The following UBE2J2 variants were observed in gnomAD, a reference collection of about 807,000 sequenced individuals.
The protein encoded by UBE2J2 is ubiquitin-conjugating enzyme E2 J2.
A neutral mutation model predicts 28.6 loss-of-function variants in UBE2J2; 5 were observed. The observed-to-expected ratio is 0.17, with a 90% confidence interval of 0.09 to 0.37. The LOEUF (loss-of-function observed/expected upper bound fraction) is 0.37. Ranked by LOEUF, UBE2J2 falls within the 10% of genes least tolerant of loss-of-function variation. UBE2J2 has a pLI of 1.00. For synonymous variants in UBE2J2, 138 were observed against 139.7 expected, an observed-to-expected ratio of 0.99 and a Z score of 0.09; for missense variants, 226 against 338.9, an observed-to-expected ratio of 0.67 and a Z score of 2.62.
intron 3 of UBE2J2, among the ~76,000 whole-genome samples, chr1:1,261,906 G>A (rs1384533348): frequency 6.9e-6 from 1 of 145,262 alleles, no homozygotes; most frequent in East Asian, 2.0e-4. Flanking sequence ...CACCCAGGCT[G>A]GAATACAACG....
intron 1 of UBE2J2, chr1:1,271,620 G>A (rs1015683699): frequency 2.0e-5 from 3 of 152,038 alleles, no homozygotes; most frequent in African/African-American, 7.3e-5. Context: ...GGAGGCCAGG[G>A]GGCTATTTCC....
At chr1:1,267,615 A>C in intron 2 of UBE2J2, 1 of 1,007,040 alleles carries the variant, frequency 9.9e-7, no homozygotes, top group Non-Finnish European at 1.3e-6. Context: ...CAAGGGCCCC[A>C]CACCGGAGAT....
intron 2 of UBE2J2, among the ~76,000 whole-genome samples, chr1:1,266,880 C>CATTTT (rs576901285): frequency 1.1e-4 from 16 of 152,014 alleles, no homozygotes; most frequent in Admixed American, 2.0e-4. Flanking sequence ...AACATCCTTA[C>CATTTT]ATTTTATTTT....
chr1:1,267,184 C>T (rs980731668), intron 2 of UBE2J2, among the ~76,000 whole-genome samples: 4 of 152,128 alleles, frequency 2.6e-5, no homozygotes, highest in Admixed American at 6.5e-5. Flanking sequence ...CCACCATGCC[C>T]GGCCTCTCAC....
chr1:1,259,854 G>A (rs924525628), intron 3 of UBE2J2, among the ~76,000 whole-genome samples: 11 of 152,202 alleles, frequency 7.2e-5, no homozygotes, highest in Admixed American at 7.2e-4. Context: ...GGAAACCTGT[G>A]TGCAGAACGC....
intron 5 of UBE2J2, 104 bp downstream of exon 5, chr1:1,256,888 G>GAA (rs57305655): frequency 0.041 from 20,474 of 501,514 alleles, 37 homozygotes; most frequent in African/African-American, 0.048. Flanking sequence ...TCCGTCTCAA[G>GAA]AAAAAAAAAA....
chr1:1,265,603 T>TTTTG (rs777241235), intron 2 of UBE2J2, among the ~76,000 whole-genome samples: 14 of 121,024 alleles, frequency 1.2e-4, no homozygotes, highest in South Asian at 9.1e-4. Flanking sequence ...TTTCTCTCCA[T>TTTTG]TGTGTGTGTG....
chr1:1,264,054 T>C (rs999883790), intron 2 of UBE2J2, among the ~76,000 whole-genome samples: 3 of 152,204 alleles, frequency 2.0e-5, no homozygotes, highest in Non-Finnish European at 4.4e-5. Context: ...AATGTGTTTT[T>C]TGATATCACA....
intron 2 of UBE2J2, among the ~76,000 whole-genome samples, chr1:1,265,602 ATTGTGTGT>A (rs1639809593): frequency 4.1e-5 from 2 of 49,360 alleles, no homozygotes; most frequent in African/African-American, 8.9e-5. Context: ...TTTTCTCTCC[ATTGTGTGT>A]GTGTGTGTGT....
At chr1:1,257,993 T>C (rs769693441) in intron 3 of UBE2J2, among the ~76,000 whole-genome samples, 1 of 152,044 alleles carries the variant, frequency 6.6e-6, no homozygotes, top group Non-Finnish European at 1.5e-5. Flanking sequence ...AAACCTGACC[T>C]GAAGATCGAC....
intron 1 of UBE2J2, chr1:1,273,126 G>T (rs1640247130): frequency 6.6e-6 from 1 of 152,224 alleles, no homozygotes. Flanking sequence ...GAACTGGCAG[G>T]TGTGGATGGC....
chr1:1,257,388 A>ACCCCCCCCC (rs1557550234), intron 3 of UBE2J2, 78 bp from the exon 4 acceptor site: 4 of 135,522 alleles, frequency 3.0e-5, no homozygotes, highest in African/African-American at 2.3e-4. Context: ...CCATCCCCCC[A>ACCCCCCCCC]CGCCACCCCC....
At chr1:1,259,013 CGT>C (rs1639381435) in intron 3 of UBE2J2, among the ~76,000 whole-genome samples, 1 of 152,020 alleles carries the variant, frequency 6.6e-6, no homozygotes, top group East Asian at 1.9e-4. Context: ...CATCAGGACG[CGT>C]GTGTGCGTGT....
intron 1 of UBE2J2, 93 bp downstream of exon 1, chr1:1,273,573 G>A (rs971963700): frequency 1.3e-4 from 19 of 151,762 alleles, no homozygotes; most frequent in Non-Finnish European, 2.5e-4. Flanking sequence ...GTCGCGCAGG[G>A]TCCCCAGCAG....
chr1:1,261,132 C>T (rs752473753), intron 3 of UBE2J2, among the ~76,000 whole-genome samples: 17 of 152,222 alleles, frequency 1.1e-4, no homozygotes, highest in Non-Finnish European at 1.9e-4. Context: ...AACAGCCCCT[C>T]GGCAAGTGGC....
In UBE2J2 at chr1:1,268,841, C is replaced by A. The variant is rs1046229021; in HGVS notation, c.1-849G>T. Among the ~76,000 whole-genome samples the A allele has an allele frequency of 6.6e-6, 1 of 151,472 alleles. No homozygotes were observed. The highest frequency in any genetic ancestry group is 2.4e-5 in the African/African-American group (1 of 40,904). ...TACAGACGCATGCCACCACGCCTAG[C>A]TAATTTTTTTTTTTTTGTAGAGCTG... On this transcript the variant is annotated intron_variant, in intron 1 of 6. Coordinates refer to ENST00000349431, the MANE Select transcript of UBE2J2 (RefSeq NM_058167.3). This position sits in a 1 kb window ranked among gnomAD's most constrained non-coding sequence, Gnocchi z 4.7.
chr1:1,263,848 C>T (rs1269176758), intron 2 of UBE2J2, among the ~76,000 whole-genome samples: 20 of 151,506 alleles, frequency 1.3e-4, no homozygotes, highest in Non-Finnish European at 4.4e-5. Context: ...AAAAAGTTAG[C>T]CGGGTGTGGT....
At chr1:1,272,306 GAAAA>G (rs918013154) in intron 1 of UBE2J2, among the ~76,000 whole-genome samples, 1 of 151,630 alleles carries the variant, frequency 6.6e-6, no homozygotes, top group African/African-American at 2.4e-5. Context: ...AAAGGCACAG[GAAAA>G]AAAAATGTTC....
chr1:1,267,601 C>G (rs1407691566), intron 2 of UBE2J2: 1 of 856,726 alleles, frequency 1.2e-6, no homozygotes, highest in Non-Finnish European at 1.6e-6. Flanking sequence ...GACCCCGCCC[C>G]CCTCAAGGGC....
Sources: allele counts gnomAD v4.1 joint callset (sites outside exome capture counted in the v4.1 genomes callset), GRCh38; gene constraint gnomAD v4.1.1; non-coding constraint Gnocchi (gnomAD v3.1); transcripts MANE v1.5; gene names NCBI Gene and HGNC (gene_info 2026-07-23, HGNC 2026-07-21).